Variants in RNLS observed in about 807,000 individuals in gnomAD.
RNLS encodes renalase, FAD dependent amine oxidase, also known as renalase.
RNLS carries 39 observed loss-of-function variants against 39.8 expected under a neutral mutation model. The ratio of observed to expected loss-of-function variants is 0.98; its 90% confidence interval spans 0.76 to 1.28. The LOEUF is 1.28. RNLS is among the 50% of genes most tolerant of loss of function. RNLS has a pLI of 0.00. For synonymous variants in RNLS, 147 were observed against 150.7 expected, an observed-to-expected ratio of 0.98 and a Z score of 0.18; for missense variants, 410 against 413.3, an observed-to-expected ratio of 0.99 and a Z score of 0.07.
chr10:88,307,837 T>G (rs1845040456), intron 6 of RNLS, among the ~76,000 whole-genome samples: 1 of 152,154 alleles, frequency 6.6e-6, no homozygotes. Flanking sequence ...ATTTTAAAAT[T>G]TATATGGAAC....
chr10:88,352,779 C>T (rs190074654), intron 5 of RNLS, among the ~76,000 whole-genome samples: 2 of 152,264 alleles, frequency 1.3e-5, no homozygotes, highest in African/African-American at 4.8e-5. Flanking sequence ...GGAATGGTAC[C>T]AGCTCCTCCT....
chr10:88,350,024 G>A (rs1848570546), intron 5 of RNLS, among the ~76,000 whole-genome samples: 1 of 152,048 alleles, frequency 6.6e-6, no homozygotes, highest in Non-Finnish European at 1.5e-5. Context: ...TAATTTATCT[G>A]AGAGGTCTGA....
chr10:88,406,949 T>C (rs1024670671), intron 4 of RNLS, among the ~76,000 whole-genome samples: 2 of 152,084 alleles, frequency 1.3e-5, no homozygotes, highest in African/African-American at 2.4e-5. Context: ...AACTCAGGAA[T>C]GTAAAACCAA....
intron 5 of RNLS, among the ~76,000 whole-genome samples, chr10:88,337,595 A>G (rs1589588097): frequency 6.6e-6 from 1 of 152,200 alleles, no homozygotes; most frequent in African/African-American, 2.4e-5. Flanking sequence ...TTGGCATTGA[A>G]ATCCTTGGTA....
At chr10:88,430,914 T>C (rs932132784) in intron 4 of RNLS, among the ~76,000 whole-genome samples, 1 of 151,736 alleles carries the variant, frequency 6.6e-6, no homozygotes, top group Non-Finnish European at 1.5e-5. Context: ...TTTCTCTTTT[T>C]ATAGAGATAT....
the RNLS span, among the ~76,000 whole-genome samples, chr10:88,190,583 A>G: frequency 6.6e-6 from 1 of 152,174 alleles, no homozygotes; most frequent in Non-Finnish European, 1.5e-5. Context: ...TTAGCATGCT[A>G]TAATATATTA....
At chr10:88,526,982 A>C (rs1174623058) in intron 4 of RNLS, among the ~76,000 whole-genome samples, 2 of 151,536 alleles carry the variant, frequency 1.3e-5, no homozygotes, top group Non-Finnish European at 3.0e-5. Context: ...AAAAAAAAAG[A>C]GGGCAGTTAA....
At chr10:88,492,913 C>T (rs1234855297) in intron 4 of RNLS, among the ~76,000 whole-genome samples, 4 of 152,128 alleles carry the variant, frequency 2.6e-5, no homozygotes, top group Admixed American at 6.6e-5. Flanking sequence ...CATCAGTTCA[C>T]TTTCTACCCA....
chr10:88,196,858 C>T, the RNLS span, among the ~76,000 whole-genome samples: 1 of 152,198 alleles, frequency 6.6e-6, no homozygotes, highest in Non-Finnish European at 1.5e-5. Context: ...CTCATCTCTC[C>T]AGTTTATATA....
intron 5 of RNLS, among the ~76,000 whole-genome samples, chr10:88,342,743 G>C (rs983874740): frequency 1.3e-5 from 2 of 152,170 alleles, no homozygotes; most frequent in Non-Finnish European, 2.9e-5. Context: ...AACTGAGACA[G>C]TCTAGGTAGA....
At chr10:88,441,731 G>A (rs1217008610) in intron 4 of RNLS, among the ~76,000 whole-genome samples, 2 of 152,138 alleles carry the variant, frequency 1.3e-5, no homozygotes, top group African/African-American at 2.4e-5. Flanking sequence ...TGTAAGCATC[G>A]GAAATACAAT....
intron 2 of RNLS, 35 bp downstream of exon 2, chr10:88,582,164 ACTG>A: frequency 6.7e-7 from 1 of 1,497,480 alleles, no homozygotes. Context: ...ACATCACACA[ACTG>A]CTAAGATTGA....
intron 5 of RNLS, among the ~76,000 whole-genome samples, chr10:88,350,698 G>C (rs189934739): frequency 1.4e-4 from 21 of 152,300 alleles, no homozygotes; most frequent in African/African-American, 4.6e-4. Flanking sequence ...ATGTATGTGT[G>C]CATGTGTCTT....
chr10:88,391,388 TCTCTA>T (rs1346635785), intron 4 of RNLS, among the ~76,000 whole-genome samples: 1 of 152,054 alleles, frequency 6.6e-6, no homozygotes, highest in Admixed American at 6.6e-5. Context: ...TGAAACCCCA[TCTCTA>T]CTAAAAATAC....
At chr10:88,554,309 C>G (rs969807462) in intron 4 of RNLS, among the ~76,000 whole-genome samples, 1 of 151,846 alleles carries the variant, frequency 6.6e-6, no homozygotes, top group African/African-American at 2.4e-5. Flanking sequence ...ATGTATGCAG[C>G]GTAAATAGCA....
At chr10:88,221,587 G>A in the RNLS span, among the ~76,000 whole-genome samples, 117 of 152,276 alleles carry the variant, frequency 7.7e-4, no homozygotes, top group African/African-American at 1.1e-3. Context: ...TTTCTTGCTG[G>A]TTTTGCTGCT....
chr10:88,191,473 G>A, the RNLS span, among the ~76,000 whole-genome samples: 3 of 151,990 alleles, frequency 2.0e-5, no homozygotes, highest in Admixed American at 2.0e-4. Flanking sequence ...AGTTTACATT[G>A]TGGATTAATC....
the RNLS span, among the ~76,000 whole-genome samples, chr10:88,195,851 T>C: frequency 2.6e-5 from 4 of 152,196 alleles, no homozygotes; most frequent in Non-Finnish European, 4.4e-5. Flanking sequence ...CTCAACAAAA[T>C]GTAAATACAG....
chr10:88,541,521 G>T (rs930894864), intron 4 of RNLS, among the ~76,000 whole-genome samples: 2 of 152,142 alleles, frequency 1.3e-5, no homozygotes, highest in Non-Finnish European at 2.9e-5. Context: ...TTTGGCCTTT[G>T]ACAAGTAGCA....
Sources: gnomAD v4.1 joint callset for allele counts (sites outside exome capture counted in the v4.1 genomes callset) on GRCh38, gnomAD v4.1.1 for gene constraint, MANE v1.5 for transcripts, NCBI Gene and HGNC (gene_info 2026-07-23, HGNC 2026-07-21) for gene names.